The following COL25A1 variants were observed in gnomAD, a reference collection of about 807,000 sequenced individuals.
The protein encoded by COL25A1 is collagen alpha-1(XXV) chain.
In COL25A1, 103 loss-of-function variants were observed where a neutral mutation model predicts 128.4. The ratio of observed to expected loss-of-function variants is 0.80; its 90% CI spans 0.68 to 0.94. The LOEUF (loss-of-function observed/expected upper bound fraction) is 0.94, where lower values mean the gene tolerates loss of function less well. COL25A1 is among the 40% of genes least tolerant of loss of function. COL25A1 has a pLI of 0.00. For missense variants in COL25A1, 745 were observed against 840.0 expected (o/e 0.89, Z 1.40); for synonymous variants, 279 against 277.2 (o/e 1.01, Z -0.06).
chr4:109,178,710 C>CT lies in COL25A1; in HGVS notation c.367+121872dup, dbSNP rs1774333696. ...ATTAGCCAGGTGTGGTGGCGGGCGC[C>CT]TGTAGGCCCAGCTACTCAGGAAGCT... On this transcript the variant is annotated intron_variant, in intron 3 of 37. Coordinates refer to ENST00000399132, the MANE Select transcript of COL25A1 (RefSeq NM_198721.4). 2.0e-5 allele frequency among the ~76,000 whole-genome samples: 3 copies of CT among 151,826 alleles called. No homozygotes were observed. In the South Asian group the frequency reaches 6.2e-4, roughly 32 times the overall value.
intron 4 of COL25A1, 24 bp from the exon 5 acceptor site, chr4:109,048,199 A>C: frequency 6.2e-7 from 1 of 1,607,594 alleles, no homozygotes; most frequent in Admixed American, 1.7e-5. Context: ...AGGTGGAGAG[A>C]GAAGAGAGAG....
At chr4:109,158,028 AC>A (rs1772200732) in intron 3 of COL25A1, among the ~76,000 whole-genome samples, 1 of 152,190 alleles carries the variant, frequency 6.6e-6, no homozygotes, top group Admixed American at 6.5e-5. Context: ...TTGACAAACC[AC>A]CTGTTGAACT....
chr4:109,174,233 G>T (rs1293596909), intron 3 of COL25A1, among the ~76,000 whole-genome samples: 2 of 152,106 alleles, frequency 1.3e-5, no homozygotes, highest in Non-Finnish European at 2.9e-5. Flanking sequence ...TAGCAACCGT[G>T]GTGTAAGGCC....
intron 5 of COL25A1, among the ~76,000 whole-genome samples, chr4:109,015,720 C>T (rs924166177): frequency 5.3e-5 from 8 of 152,116 alleles, no homozygotes; most frequent in African/African-American, 1.9e-4. Context: ...AAACAATCAG[C>T]CAGTAGCTGA....
chr4:108,837,364 T>G (rs752519045), intron 31 of COL25A1, among the ~76,000 whole-genome samples: 5 of 152,108 alleles, frequency 3.3e-5, no homozygotes, highest in Non-Finnish European at 5.9e-5. Context: ...ATTCACCAAA[T>G]AGATAGCATA....
chr4:109,246,536 G>A (rs935073164), intron 3 of COL25A1, among the ~76,000 whole-genome samples: 2 of 151,914 alleles, frequency 1.3e-5, no homozygotes, highest in Admixed American at 1.3e-4. Context: ...TTCCTATCAA[G>A]TTTATGATAA....
At position 108,974,486 on chromosome 4, in the gene COL25A1, C is replaced by T. The variant is rs763802356; in HGVS notation, c.465+47G>A. ...AAAATGTAACACAGTATAGGTCACG[C>T]CAATATGGATCTTCACTAACTTTAT... On this transcript the variant is annotated intron_variant, in intron 7 of 37. Transcript: ENST00000399132. 7 of 1,608,528 alleles carry T rather than the reference C, an allele frequency of 4.4e-6. No homozygotes were observed. The African/African-American group carries it at 9.4e-5, about 22-fold the overall frequency.
chr4:108,888,717 C>G (rs552125533), intron 18 of COL25A1, among the ~76,000 whole-genome samples: 104 of 152,114 alleles, frequency 6.8e-4, no homozygotes, highest in African/African-American at 2.5e-3. Context: ...AGTCATGGCA[C>G]AAGTAGATAT....
intron 5 of COL25A1, among the ~76,000 whole-genome samples, chr4:109,028,029 T>C (rs1448204489): frequency 6.6e-6 from 1 of 152,178 alleles, no homozygotes; most frequent in Non-Finnish European, 1.5e-5. Flanking sequence ...GTTAAAGCCA[T>C]GAGATTATAT....
chr4:109,035,329 A>C (rs147292090), intron 5 of COL25A1, among the ~76,000 whole-genome samples: 350 of 152,332 alleles, frequency 2.3e-3, no homozygotes, highest in Non-Finnish European at 3.3e-3. Context: ...CAAAATAATA[A>C]GTGTATTATA....
chr4:109,117,566 G>A (rs1478178571), intron 3 of COL25A1, among the ~76,000 whole-genome samples: 7 of 151,926 alleles, frequency 4.6e-5, no homozygotes, highest in African/African-American at 1.4e-4. Context: ...CAACCAAAGT[G>A]CATCAGGGAA....
chr4:108,924,762 G>A (rs1745857335), intron 11 of COL25A1, among the ~76,000 whole-genome samples: 1 of 152,068 alleles, frequency 6.6e-6, no homozygotes, highest in South Asian at 2.1e-4. Context: ...GCTTTTCGTA[G>A]CCTTTTAGAA....
chr4:109,253,415 T>C (rs564579995), intron 3 of COL25A1, among the ~76,000 whole-genome samples: 2 of 152,274 alleles, frequency 1.3e-5, no homozygotes, highest in African/African-American at 4.8e-5. Flanking sequence ...ACCTATGCCC[T>C]AGCTTGAAGA....
At chr4:108,923,890 A>C (rs1241050978) in intron 11 of COL25A1, among the ~76,000 whole-genome samples, 8 of 152,178 alleles carry the variant, frequency 5.3e-5, no homozygotes, top group Non-Finnish European at 1.2e-4. Context: ...TCTGTTAATC[A>C]ATGAAATGGT....
intron 3 of COL25A1, among the ~76,000 whole-genome samples, chr4:109,217,860 C>T (rs904877387): frequency 2.0e-5 from 3 of 152,146 alleles, no homozygotes; most frequent in Non-Finnish European, 4.4e-5. Context: ...TCAGTATAGA[C>T]ACAACCATTC....
chr4:109,218,356 G>GGTTTTTTTTTTGTTT (rs1553961819), intron 3 of COL25A1, among the ~76,000 whole-genome samples: 1,242 of 100,024 alleles, frequency 0.012, 25 homozygotes, highest in African/African-American at 0.015. Flanking sequence ...GGTTTTTTGG[G>GGTTTTTTTTTTGTTT]GTTTTTTTTT....
chr4:109,124,542 A>T (rs1221802861), intron 3 of COL25A1, among the ~76,000 whole-genome samples: 1 of 151,856 alleles, frequency 6.6e-6, no homozygotes, highest in East Asian at 1.9e-4. Context: ...AAGAATTAAA[A>T]TTTTTTTTCC....
chr4:109,016,527 G>C (rs1426542546), intron 5 of COL25A1, among the ~76,000 whole-genome samples: 1 of 152,242 alleles, frequency 6.6e-6, no homozygotes, highest in African/African-American at 2.4e-5. Context: ...TCCAGGTCCA[G>C]GCCAACCCAT....
At position 108,879,928 on chromosome 4, in the gene COL25A1, C is replaced by T. The variant is rs530548694; in HGVS notation, c.1020+4250G>A. ...GGTTCAAGCAATTCTCTTGTCTCAGCCTCCCCACTAGCTGGGACTACAACT... is the reference window on the plus strand; with the variant it reads ...GGTTCAAGCAATTCTCTTGTCTCAGTCTCCCCACTAGCTGGGACTACAACT... On this transcript the variant is annotated intron_variant, in intron 19 of 37. Coordinates refer to ENST00000399132, the MANE Select transcript of COL25A1 (RefSeq NM_198721.4). Among the ~76,000 whole-genome samples, 17 of 152,154 alleles carry T rather than the reference C, an allele frequency of 1.1e-4. No homozygotes were observed. In the East Asian group the frequency reaches 1.7e-3, roughly 16 times the overall value.
Sources: gnomAD v4.1 joint callset for allele counts (sites outside exome capture counted in the v4.1 genomes callset) on GRCh38, gnomAD v4.1.1 for gene constraint, MANE v1.5 for transcripts, NCBI Gene and HGNC (gene_info 2026-07-23, HGNC 2026-07-21) for gene names.